Variants in UBR2 observed in about 807,000 individuals in gnomAD.
The protein encoded by UBR2 is E3 ubiquitin-protein ligase UBR2.
UBR2 carries 92 observed loss-of-function variants against 247.9 expected under a neutral mutation model. The observed-to-expected ratio is 0.37, with a 90% CI of 0.31 to 0.44. The LOEUF (loss-of-function observed/expected upper bound fraction) is 0.44, where lower values mean the gene tolerates loss of function less well. Among genes scored for constraint, UBR2 ranks in the 20% least tolerant of loss-of-function variants. The pLI is 1.00. For missense variants in UBR2, 1,613 were observed against 2,112.6 expected (o/e 0.76, Z 4.64); for synonymous variants, 672 against 693.5 (o/e 0.97, Z 0.49).
At position 42,692,475 on chromosome 6, in the gene UBR2, T is replaced by C. The variant is rs1799796649; in HGVS notation, c.*1302T>C. 6.6e-6 allele frequency: 1 copy of C among 152,230 alleles called. No individual in the cohort carries two copies. Among genetic ancestry groups the C allele is most frequent in the African/African-American group, 2.4e-5 (1 of 41,458 alleles). 9.4% of individuals were successfully genotyped at this position (152,230 alleles called of 1,614,324 possible). On this transcript the variant is annotated 3_prime_UTR_variant, in exon 47 of 47. Coordinates refer to ENST00000372901, the MANE Select transcript of UBR2 (RefSeq NM_001363705.2). ...TTATGTACCACACAACTACTATTGT[T>C]TGATGTATGACTGCTGAGAGCTTGA...
At chr6:42,575,744 T>C (rs1791463446) in intron 2 of UBR2, among the ~76,000 whole-genome samples, 1 of 152,244 alleles carries the variant, frequency 6.6e-6, no homozygotes, top group African/African-American at 2.4e-5. Flanking sequence ...CAACTGGTGA[T>C]ATTGATCACT....
chr6:42,634,386 C>A, intron 13 of UBR2: 1 of 204,194 alleles, frequency 4.9e-6, no homozygotes, highest in Non-Finnish European at 1.0e-5. Context: ...AGCCACCTGG[C>A]TTTCTTAAGA....
chr6:42,567,419 A>G (rs1182204757), intron 1 of UBR2, among the ~76,000 whole-genome samples: 3 of 152,176 alleles, frequency 2.0e-5, no homozygotes, highest in Non-Finnish European at 4.4e-5. Context: ...AGTATGTTCC[A>G]GTGAGTGATT....
chr6:42,636,100 G>T (rs1562339219), intron 14 of UBR2, among the ~76,000 whole-genome samples: 1 of 152,104 alleles, frequency 6.6e-6, no homozygotes, highest in Non-Finnish European at 1.5e-5. Context: ...AAAGGTCTGT[G>T]GTTGGAGCAC....
At chr6:42,591,618 T>C (rs1300376200) in intron 2 of UBR2, among the ~76,000 whole-genome samples, 1 of 152,210 alleles carries the variant, frequency 6.6e-6, no homozygotes, top group Non-Finnish European at 1.5e-5. Context: ...GCAGTGAACC[T>C]ATAGAAGGTT....
intron 7 of UBR2, among the ~76,000 whole-genome samples, chr6:42,610,923 G>A (rs781278516): frequency 4.1e-4 from 61 of 150,020 alleles, no homozygotes; most frequent in Non-Finnish European, 6.8e-4. Context: ...TCAGCTCACC[G>A]CAACCTTCAC....
intron 26 of UBR2, among the ~76,000 whole-genome samples, chr6:42,656,316 T>A (rs907756779): frequency 3.3e-5 from 5 of 152,376 alleles, no homozygotes; most frequent in South Asian, 2.1e-4. Flanking sequence ...AGAGTTTTTT[T>A]AAATATTATT....
intron 2 of UBR2, among the ~76,000 whole-genome samples, chr6:42,581,876 G>A (rs73438640): frequency 0.022 from 3,333 of 152,148 alleles, 113 homozygotes; most frequent in African/African-American, 0.075. Context: ...TTTTTTAAAT[G>A]TGCAACACAT....
chr6:42,657,289 A>G (rs1409913822), intron 26 of UBR2, among the ~76,000 whole-genome samples: 11 of 152,060 alleles, frequency 7.2e-5, no homozygotes, highest in African/African-American at 1.9e-4. Context: ...TCCTTATTAA[A>G]CAATCATCAT....
At chr6:42,633,451 C>T (rs960438854) in intron 13 of UBR2, among the ~76,000 whole-genome samples, 3 of 151,814 alleles carry the variant, frequency 2.0e-5, no homozygotes, top group East Asian at 1.9e-4. Context: ...AGTGCAGTGG[C>T]GCAATCTCAG....
At position 42,691,023 on chromosome 6, in the gene UBR2, T is replaced by C. The variant is rs372414495; in HGVS notation, c.5127-9T>C. ...CACATTCTGAGTGACATGTGTCTTC[T>C]CTTTCTAGACGGGGAAATCCTTTAC... On this transcript the variant is annotated splice_polypyrimidine_tract_variant and intron_variant, in intron 46 of 46. Coordinates refer to ENST00000372901, the MANE Select transcript of UBR2 (RefSeq NM_001363705.2). The C allele has an allele frequency of 6.2e-7, 1 of 1,613,488 alleles. No homozygotes were observed. Among genetic ancestry groups the C allele is most frequent in the Non-Finnish European group, 8.5e-7 (1 of 1,179,860 alleles).
intron 4 of UBR2, among the ~76,000 whole-genome samples, chr6:42,601,291 A>C (rs1324850905): frequency 6.6e-6 from 1 of 152,184 alleles, no homozygotes; most frequent in Admixed American, 6.6e-5. Flanking sequence ...AATCCCCAGG[A>C]GGGACCAGCT....
At position 42,681,402 on chromosome 6, in the gene UBR2, C is replaced by G. The variant is rs554483584; in HGVS notation, c.4718+1570C>G. Among the ~76,000 whole-genome samples the G allele has an allele frequency of 3.9e-5, 6 of 151,942 alleles. No homozygotes were observed. In the East Asian group the frequency reaches 1.2e-3, roughly 29 times the overall value. ...TCCAGACTATATATATCCAGAATTC[C>G]TACAACAACAACAAAAATAAAACCC... On this transcript the variant is annotated intron_variant, in intron 42 of 46. Transcript: ENST00000372901.
intron 31 of UBR2, 135 bp from the exon 32 acceptor site, chr6:42,663,123 G>T: frequency 4.2e-6 from 3 of 714,632 alleles, no homozygotes; most frequent in South Asian, 5.0e-5. Context: ...CAAAAATCAT[G>T]TTAAAAATAA....
intron 4 of UBR2, among the ~76,000 whole-genome samples, chr6:42,597,949 A>G (rs1290511742): frequency 6.6e-6 from 1 of 152,168 alleles, no homozygotes; most frequent in African/African-American, 2.4e-5. Flanking sequence ...GAAGTCTTCA[A>G]GGGTATTAAG....
chr6:42,580,531 C>A (rs950459220), intron 2 of UBR2, among the ~76,000 whole-genome samples: 1 of 149,008 alleles, frequency 6.7e-6, no homozygotes, highest in African/African-American at 2.5e-5. Context: ...TGTCAAAAGA[C>A]AAATCTTAAT....
intron 2 of UBR2, among the ~76,000 whole-genome samples, chr6:42,590,092 G>A (rs1792559766): frequency 6.6e-6 from 1 of 151,952 alleles, no homozygotes; most frequent in Non-Finnish European, 1.5e-5. Context: ...TAGTATAATT[G>A]AGTAACTAAT....
At chr6:42,690,584 T>TTTTTC (rs200106409) in intron 46 of UBR2, among the ~76,000 whole-genome samples, 3,613 of 152,280 alleles carry the variant, frequency 0.024, 58 homozygotes, top group South Asian at 0.058. Context: ...CTGAGGAATG[T>TTTTTC]TTTTCTTTTC....
chr6:42,628,627 AGAG>A (rs1294765248), intron 11 of UBR2, among the ~76,000 whole-genome samples: 46 of 151,282 alleles, frequency 3.0e-4, no homozygotes, highest in Non-Finnish European at 2.9e-5. Flanking sequence ...GGTGGCTGAG[AGAG>A]GAGAATTGCT....
Sources: allele counts gnomAD v4.1 joint callset (sites outside exome capture counted in the v4.1 genomes callset), GRCh38; gene constraint gnomAD v4.1.1; transcripts MANE v1.5; gene names NCBI Gene and HGNC (gene_info 2026-07-23, HGNC 2026-07-21).